CYRIB: variants seen among roughly 807,000 people sequenced by gnomAD.
CYRIB encodes the protein CYFIP-related Rac1 interactor B.
In CYRIB, 8 loss-of-function variants were observed where a neutral mutation model predicts 44.2. The ratio of observed to expected loss-of-function variants is 0.18; its 90% CI spans 0.11 to 0.33. The LOEUF (loss-of-function observed/expected upper bound fraction) is 0.33. Among genes scored for constraint, CYRIB ranks in the 10% least tolerant of loss-of-function variants. The probability of loss-of-function intolerance (pLI) is 1.00; values close to 1 mark genes in which losing one functional copy is unlikely to be tolerated. For missense variants in CYRIB, 185 were observed against 382.8 expected (o/e 0.48, Z 4.31); for synonymous variants, 131 against 127.2 (o/e 1.03, Z -0.20).
At chr8:129,958,215 A>G (rs1315451245) in intron 2 of CYRIB, among the ~76,000 whole-genome samples, 1 of 152,128 alleles carries the variant, frequency 6.6e-6, no homozygotes, top group Admixed American at 6.5e-5. Flanking sequence ...GGTGGAATGG[A>G]AGTAGGTGAG....
intron 1 of CYRIB, among the ~76,000 whole-genome samples, chr8:130,010,052 C>T (rs2097184481): frequency 1.3e-5 from 2 of 152,316 alleles, no homozygotes; most frequent in East Asian, 1.9e-4. Flanking sequence ...CTCTGCACAA[C>T]GGGGCCCTCA....
At chr8:129,967,467 C>A (rs1241638868) in intron 2 of CYRIB, among the ~76,000 whole-genome samples, 1 of 151,902 alleles carries the variant, frequency 6.6e-6, no homozygotes, top group Admixed American at 6.6e-5. Context: ...GCAAACTCCA[C>A]CTCCCAGGTT....
intron 2 of CYRIB, among the ~76,000 whole-genome samples, chr8:129,880,732 T>C (rs2060525609): frequency 1.3e-5 from 2 of 152,246 alleles, no homozygotes; most frequent in African/African-American, 4.8e-5. Flanking sequence ...TATTACTATC[T>C]ATGTTAGTGT....
intron 1 of CYRIB, among the ~76,000 whole-genome samples, chr8:129,975,004 C>T (rs111769318): frequency 0.013 from 2,005 of 151,920 alleles, 48 homozygotes; most frequent in African/African-American, 0.046. Context: ...CTCAGGCTCC[C>T]GAGTAGCTTG....
At chr8:129,961,418 G>A (rs150724859) in intron 2 of CYRIB, among the ~76,000 whole-genome samples, 1 of 152,174 alleles carries the variant, frequency 6.6e-6, no homozygotes, top group South Asian at 2.1e-4. Flanking sequence ...ATATCCATCA[G>A]TCCCTTTAGG....
At chr8:129,898,552 A>C (rs1372259127) in intron 2 of CYRIB, among the ~76,000 whole-genome samples, 1 of 152,252 alleles carries the variant, frequency 6.6e-6, no homozygotes, top group Non-Finnish European at 1.5e-5. Context: ...CTTGTACACT[A>C]ACGGAATTTA....
At chr8:129,877,298 A>T (rs755558937) in intron 3 of CYRIB, among the ~76,000 whole-genome samples, 3 of 152,120 alleles carry the variant, frequency 2.0e-5, no homozygotes, top group Non-Finnish European at 4.4e-5. Flanking sequence ...GTATTTCTGC[A>T]TTATTGGTTA....
intron 2 of CYRIB, among the ~76,000 whole-genome samples, chr8:129,952,102 A>G (rs979773907): frequency 6.6e-6 from 1 of 152,244 alleles, no homozygotes; most frequent in Non-Finnish European, 1.5e-5. Context: ...CTGAAGTGCA[A>G]TGGTGCAATC....
At chr8:129,998,132 A>C (rs528878901) in intron 1 of CYRIB, among the ~76,000 whole-genome samples, 63 of 151,438 alleles carry the variant, frequency 4.2e-4, no homozygotes, top group Middle Eastern at 3.4e-3. Context: ...AAAAAAAAAA[A>C]AAAAAACAAA....
intron 1 of CYRIB, among the ~76,000 whole-genome samples, chr8:129,928,532 T>G (rs1432418790): frequency 6.6e-6 from 1 of 151,938 alleles, no homozygotes; most frequent in Non-Finnish European, 1.5e-5. Flanking sequence ...TGGTGCTGCA[T>G]GCCTGTAGTC....
intron 2 of CYRIB, among the ~76,000 whole-genome samples, chr8:129,898,086 G>GT (rs1272762348): frequency 2.4e-3 from 40 of 16,502 alleles, no homozygotes; most frequent in South Asian, 4.7e-3. Context: ...TTTTTTTTAA[G>GT]TTTTTTTGTT....
At chr8:129,900,490 C>T (rs1195135116) in intron 2 of CYRIB, among the ~76,000 whole-genome samples, 1 of 152,162 alleles carries the variant, frequency 6.6e-6, no homozygotes, top group Non-Finnish European at 1.5e-5. Context: ...CTAGATCAGG[C>T]TGAAACTTAC....
chr8:129,915,672 A>G (rs1441618496), intron 1 of CYRIB, among the ~76,000 whole-genome samples: 1 of 152,144 alleles, frequency 6.6e-6, no homozygotes, highest in Non-Finnish European at 1.5e-5. Context: ...AGCTCCACAA[A>G]CTGTATGCTT....
intron 1 of CYRIB, among the ~76,000 whole-genome samples, chr8:129,911,475 C>A (rs1173879077): frequency 3.3e-5 from 5 of 152,116 alleles, no homozygotes; most frequent in African/African-American, 1.2e-4. Context: ...CCACTAACTT[C>A]TTTTATTGTA....
chr8:129,875,380 AT>A (rs1045846972), intron 3 of CYRIB, among the ~76,000 whole-genome samples: 17 of 150,626 alleles, frequency 1.1e-4, no homozygotes, highest in African/African-American at 2.7e-4. Flanking sequence ...TAATTAAAAA[AT>A]TTTTTTTTTC....
At position 129,846,784 on chromosome 8, in the gene CYRIB, G is replaced by A. The variant is rs187178073; in HGVS notation, c.911+20C>T. The A allele has an allele frequency of 2.4e-5, 37 of 1,553,182 alleles. No individual in the cohort carries two copies. The highest frequency in any genetic ancestry group is 1.9e-4 in the East Asian group (8 of 42,852). ...CCTTACAGATTTTTTCTGTACATAC[G>A]TACACGTACATATACACACCTGAGA... On this transcript the variant is annotated intron_variant, in intron 11 of 11. Coordinates refer to ENST00000519824, the Ensembl canonical transcript of CYRIB.
chr8:129,909,408 A>G (rs1190207604), intron 1 of CYRIB, among the ~76,000 whole-genome samples: 1 of 152,030 alleles, frequency 6.6e-6, no homozygotes, highest in Non-Finnish European at 1.5e-5. Flanking sequence ...TTCTCTTCTA[A>G]TTTCTTTTAT....
chr8:129,949,586 G>A (rs753374451), intron 2 of CYRIB, among the ~76,000 whole-genome samples: 1 of 152,012 alleles, frequency 6.6e-6, no homozygotes, highest in Admixed American at 6.6e-5. Context: ...ACTACACTAA[G>A]GCTGGGCATG....
intron 2 of CYRIB, among the ~76,000 whole-genome samples, chr8:129,955,436 C>T (rs2094761596): frequency 6.6e-6 from 1 of 152,042 alleles, no homozygotes; most frequent in Non-Finnish European, 1.5e-5. Context: ...CTAGGAACAC[C>T]TTCCACAACA....
Sources: gnomAD v4.1 joint callset for allele counts (sites outside exome capture counted in the v4.1 genomes callset) on GRCh38, gnomAD v4.1.1 for gene constraint, MANE v1.5 for transcripts, NCBI Gene and HGNC (gene_info 2026-07-23, HGNC 2026-07-21) for gene names.